The following LZTFL1 variants were observed in gnomAD, a reference collection of about 807,000 sequenced individuals.
LZTFL1 encodes the protein leucine zipper transcription factor-like protein 1.
A neutral mutation model predicts 45.9 loss-of-function variants in LZTFL1; 25 were observed. The ratio of observed to expected loss-of-function variants is 0.54; its 90% CI spans 0.40 to 0.76. LZTFL1 has a LOEUF of 0.76. Among genes scored for constraint, LZTFL1 ranks in the 30% least tolerant of loss-of-function variants. The probability of loss-of-function intolerance (pLI) is 0.00; values close to 1 mark genes in which losing one functional copy is unlikely to be tolerated. For synonymous variants in LZTFL1, 93 were observed against 117.4 expected (o/e 0.79, Z 1.35); for missense variants, 277 against 331.1 (o/e 0.84, Z 1.27).
rs72883078 is a variant in LZTFL1, at chr3:45,873,278, C to G, written c.-214-14262G>C. Among the ~76,000 whole-genome samples, 1,352 of 152,272 alleles carry G rather than the reference C, an allele frequency of 8.9e-3. 19 individuals carry two copies. The highest frequency in any genetic ancestry group is 0.031 in the African/African-American group (1,281 of 41,548). ...ATTTCCAACAAGCTCCTAGGTGATG[C>G]TAGTGTTGCTCTATGGGCCATGCAT... On this transcript the variant is annotated intron_variant, in intron 2 of 4. Transcript: ENST00000472635.
chr3:45,906,199 C>T (rs1222217275), intron 2 of LZTFL1, among the ~76,000 whole-genome samples: 1 of 152,202 alleles, frequency 6.6e-6, no homozygotes, highest in East Asian at 1.9e-4. Flanking sequence ...TCACAGAACT[C>T]CTCTGAGAAG....
intron 2 of LZTFL1, chr3:45,902,800 TC>T (rs1356320685): frequency 6.0e-6 from 1 of 167,098 alleles, no homozygotes; most frequent in Non-Finnish European, 1.5e-5. Flanking sequence ...TTGGCCCTCT[TC>T]TTTCTGAGGC....
At chr3:45,886,434 G>A (rs1445621944) in intron 2 of LZTFL1, 4 of 152,218 alleles carry the variant, frequency 2.6e-5, no homozygotes, top group Non-Finnish European at 4.4e-5. Flanking sequence ...CTGATTGCTG[G>A]AAGCTACACA....
At chr3:45,889,553 T>C (rs925888683) in intron 2 of LZTFL1, among the ~76,000 whole-genome samples, 1 of 152,136 alleles carries the variant, frequency 6.6e-6, no homozygotes, top group Non-Finnish European at 1.5e-5. Context: ...TTTACACACT[T>C]GGTAAGATAT....
At chr3:45,907,931 AAG>A (rs1377694909) in intron 2 of LZTFL1, among the ~76,000 whole-genome samples, 2 of 152,226 alleles carry the variant, frequency 1.3e-5, no homozygotes, top group African/African-American at 4.8e-5. Context: ...TGAGGCCAGA[AAG>A]AGCTACAGCA....
In LZTFL1 at chr3:45,900,766, AAAAT is replaced by A. The variant is rs780887972; in HGVS notation, c.-215+12350_-215+12353del. 5 of 1,566,346 alleles carry A rather than the reference AAAAT, an allele frequency of 3.2e-6. No homozygotes were observed. In the African/African-American group the frequency reaches 6.8e-5, roughly 21 times the overall value. On this transcript the variant is annotated intron_variant, in intron 2 of 4. Transcript: ENST00000472635. The surrounding 1 kb of genome is among the most constrained non-coding windows in gnomAD (Gnocchi z 4.7). ...GCCTCTGCCATCAGACAGGACCTTC[AAAAT>A]ATTTTCCTTGACCTAATGCCATCTT...
At chr3:45,842,479 A>AT (rs568552959), upstream of LZTFL1, among the ~76,000 whole-genome samples, 8,799 of 147,096 alleles carry the variant, frequency 0.06, 819 homozygotes, top group African/African-American at 0.2. Flanking sequence ...CGGCCCAGAC[A>AT]TTTTTTTTTT....
chr3:45,841,607 T>G (rs1034502953), intron 1 of LZTFL1: 11 of 294,422 alleles, frequency 3.7e-5, no homozygotes, highest in African/African-American at 1.1e-4. Context: ...AATGTGTGTG[T>G]GTGCGTAAAC....
intron 2 of LZTFL1, among the ~76,000 whole-genome samples, chr3:45,892,519 T>C (rs1241784176): frequency 6.6e-6 from 1 of 151,960 alleles, no homozygotes; most frequent in African/African-American, 2.4e-5. Flanking sequence ...TGAGTACATA[T>C]GGACACAAAA....
At position 45,901,359 on chromosome 3, in the gene LZTFL1, GA is replaced by G. The variant is rs769377797; in HGVS notation, c.-215+11760del. ...AGAAATCTTATACAGCCAAATCAAGGAGGAATCCGGCATTGCTATCTGCACC... is the reference window on the plus strand; with the variant it reads ...AGAAATCTTATACAGCCAAATCAAGGGGAATCCGGCATTGCTATCTGCACC... On this transcript the variant is annotated intron_variant, in intron 2 of 4. Coordinates refer to the LZTFL1 transcript ENST00000472635. The surrounding 1 kb of genome is among the most constrained non-coding windows in gnomAD (Gnocchi z 4.3). The G allele has an allele frequency of 1.9e-6, 3 of 1,614,180 alleles. No homozygotes were observed. In the African/African-American group the frequency reaches 4.0e-5, roughly 22 times the overall value.
intron 2 of LZTFL1, among the ~76,000 whole-genome samples, chr3:45,899,059 A>G (rs1267015933): frequency 6.6e-6 from 1 of 152,160 alleles, no homozygotes; most frequent in African/African-American, 2.4e-5. Context: ...CCAGCTACTC[A>G]GGAGGCTGAG....
chr3:45,860,528 C>T (rs191048768), intron 2 of LZTFL1, among the ~76,000 whole-genome samples: 106 of 151,782 alleles, frequency 7.0e-4, no homozygotes, highest in Middle Eastern at 6.8e-3. Context: ...GGAAAATCTG[C>T]TTTTCTCTTA....
At chr3:45,887,621 C>T (rs1423454641) in intron 2 of LZTFL1, among the ~76,000 whole-genome samples, 1 of 152,230 alleles carries the variant, frequency 6.6e-6, no homozygotes, top group Non-Finnish European at 1.5e-5. Context: ...GATCCCATCT[C>T]CTTACTCCCT....
intron 2 of LZTFL1, among the ~76,000 whole-genome samples, chr3:45,881,699 G>A (rs1701863408): frequency 6.6e-6 from 1 of 152,110 alleles, no homozygotes; most frequent in Admixed American, 6.5e-5. Flanking sequence ...GTATCTACAG[G>A]TATTCTAGAA....
At chr3:45,842,193 A>C, upstream of LZTFL1, 1 of 1,446,052 alleles carries the variant, frequency 6.9e-7, no homozygotes, top group African/African-American at 1.4e-5. Context: ...ACGCGACAGG[A>C]AGTATTGCGT....
chr3:45,894,129 T>C (rs947822397), intron 2 of LZTFL1, among the ~76,000 whole-genome samples: 2 of 152,218 alleles, frequency 1.3e-5, no homozygotes, highest in Non-Finnish European at 2.9e-5. Flanking sequence ...TGTTGTTTCT[T>C]TGGTTATGTA....
intron 2 of LZTFL1, among the ~76,000 whole-genome samples, chr3:45,893,944 G>A (rs1031879831): frequency 1.3e-5 from 2 of 152,198 alleles, no homozygotes; most frequent in Non-Finnish European, 2.9e-5. Context: ...GGGTCATGAT[G>A]TTGTTATGGA....
rs36040178 is a variant in LZTFL1 at position 45,887,251 on chromosome 3, CTGTGTGTG to C, written c.-215+25861_-215+25868del. 6.8e-3 allele frequency among the ~76,000 whole-genome samples: 1,010 copies of C among 149,214 alleles called. 13 individuals are homozygous for C. Among genetic ancestry groups the C allele is most frequent in the African/African-American group, 0.023 (950 of 40,706 alleles). On this transcript the variant is annotated intron_variant, in intron 2 of 4. Transcript: ENST00000472635. ...TCCTTTCTATTAAGTGCGTGTGTGT[CTGTGTGTG>C]TGTGTGTGTGTGTGTGAGGTTGTGT...
upstream of LZTFL1, among the ~76,000 whole-genome samples, chr3:45,846,587 A>G (rs1275808639): frequency 6.6e-6 from 1 of 152,252 alleles, no homozygotes; most frequent in African/African-American, 2.4e-5. Flanking sequence ...TATGCATTAT[A>G]TGTATTATAT....
Sources: allele counts gnomAD v4.1 joint callset (sites outside exome capture counted in the v4.1 genomes callset), GRCh38; gene constraint gnomAD v4.1.1; non-coding constraint Gnocchi (gnomAD v3.1); transcripts MANE v1.5; gene names NCBI Gene and HGNC (gene_info 2026-07-23, HGNC 2026-07-21).